Variants in CCDC169 observed in about 807,000 individuals in gnomAD.
CCDC169 encodes coiled-coil domain containing 169, also known as coiled-coil domain-containing protein 169.
Under a neutral mutation model 36.0 loss-of-function variants are expected in CCDC169, and 30 were observed. That is an observed-to-expected ratio of 0.83 (90% CI 0.62 to 1.13). CCDC169 has a LOEUF of 1.13. Ranked by LOEUF, CCDC169 falls within the 50% of genes most tolerant of loss-of-function variation. CCDC169 has a pLI of 0.00. For synonymous variants in CCDC169, 85 were observed against 81.5 expected (o/e 1.04, Z -0.23); for missense variants, 245 against 245.9 (o/e 1.00, Z 0.03).
intron 4 of CCDC169, chr13:36,283,233 A>G: frequency 2.0e-6 from 1 of 502,414 alleles, no homozygotes; most frequent in East Asian, 3.2e-5. Context: ...CGGTGATTCA[A>G]AAAGCAATAT....
At chr13:36,275,113 C>T (rs1876615365) in intron 4 of CCDC169, among the ~76,000 whole-genome samples, 1 of 151,884 alleles carries the variant, frequency 6.6e-6, no homozygotes, top group African/African-American at 2.4e-5. Context: ...GTGATCCGCC[C>T]GCCTCGGCCT....
At chr13:36,292,522 A>T (rs1197982395) in intron 2 of CCDC169, among the ~76,000 whole-genome samples, 3 of 152,338 alleles carry the variant, frequency 2.0e-5, no homozygotes, top group Admixed American at 2.0e-4. Context: ...GTTTCCTATG[A>T]ATCCTAAAAG....
At chr13:36,260,905 G>A (rs1874528581) in intron 4 of CCDC169, among the ~76,000 whole-genome samples, 1 of 152,100 alleles carries the variant, frequency 6.6e-6, no homozygotes, top group Non-Finnish European at 1.5e-5. Context: ...GGTTTCCTGG[G>A]TATCACATAT....
At chr13:36,256,262 G>C (rs1256593698) in intron 4 of CCDC169, among the ~76,000 whole-genome samples, 2 of 152,068 alleles carry the variant, frequency 1.3e-5, no homozygotes, top group Non-Finnish European at 2.9e-5. Flanking sequence ...GTTTTAGTTC[G>C]TTCTCATGCT....
At chr13:36,281,338 TG>T in intron 4 of CCDC169, 1 of 431,856 alleles carries the variant, frequency 2.3e-6, no homozygotes, top group Non-Finnish European at 4.5e-6. Flanking sequence ...TTCTGCCAAA[TG>T]CAACCCTTGA....
At chr13:36,241,778 A>G (rs77613943) in intron 7 of CCDC169, among the ~76,000 whole-genome samples, 3 of 152,270 alleles carry the variant, frequency 2.0e-5, no homozygotes, top group South Asian at 4.2e-4. Flanking sequence ...GATCAGCTAA[A>G]TATAGAAAAT....
At chr13:36,235,085 G>C (rs1309009696) in intron 7 of CCDC169, among the ~76,000 whole-genome samples, 1 of 151,852 alleles carries the variant, frequency 6.6e-6, no homozygotes, top group African/African-American at 2.4e-5. Context: ...AAGGTGAAGG[G>C]AATGGAGCTA....
chr13:36,290,489 T>A (rs955983241), intron 2 of CCDC169, among the ~76,000 whole-genome samples: 3 of 152,090 alleles, frequency 2.0e-5, no homozygotes, highest in African/African-American at 7.2e-5. Context: ...CTCCAGAATT[T>A]GAAACTATTG....
intron 4 of CCDC169, among the ~76,000 whole-genome samples, chr13:36,270,698 C>A (rs2138556354): frequency 6.6e-6 from 1 of 152,232 alleles, no homozygotes; most frequent in South Asian, 2.1e-4. Flanking sequence ...ATAAATGGTG[C>A]AGGGAAAACT....
intron 7 of CCDC169, among the ~76,000 whole-genome samples, chr13:36,233,612 T>G (rs1028453437): frequency 2.0e-5 from 3 of 152,104 alleles, no homozygotes; most frequent in Non-Finnish European, 4.4e-5. Flanking sequence ...AGATAGAAAT[T>G]ATTTAAAAAG....
At chr13:36,296,440 G>A (rs963280188) in intron 1 of CCDC169, among the ~76,000 whole-genome samples, 2 of 152,112 alleles carry the variant, frequency 1.3e-5, no homozygotes, top group African/African-American at 4.8e-5. Flanking sequence ...AAAGAAGTTA[G>A]TTACCTGGTT....
chr13:36,291,319 T>C (rs931795942), intron 2 of CCDC169, among the ~76,000 whole-genome samples: 3 of 152,236 alleles, frequency 2.0e-5, no homozygotes, highest in African/African-American at 7.2e-5. Flanking sequence ...TAGAGTTTCC[T>C]GTATGAAATC....
chr13:36,238,466 A>C (rs935008184), intron 7 of CCDC169, among the ~76,000 whole-genome samples: 1 of 152,086 alleles, frequency 6.6e-6, no homozygotes, highest in African/African-American at 2.4e-5. Context: ...CAATTAAAAA[A>C]TTTTTTTAAA....
At chr13:36,244,822 C>A (rs1287029004) in intron 7 of CCDC169, among the ~76,000 whole-genome samples, 1 of 57,904 alleles carries the variant, frequency 1.7e-5, no homozygotes, top group East Asian at 6.2e-4. Flanking sequence ...TCTAGTGAAC[C>A]ACTGAATATG....
At chr13:36,264,058 T>C (rs1594047953) in intron 4 of CCDC169, among the ~76,000 whole-genome samples, 1 of 152,182 alleles carries the variant, frequency 6.6e-6, no homozygotes, top group East Asian at 1.9e-4. Context: ...TAATGGAAAA[T>C]GTATTCTAAG....
In CCDC169 at chr13:36,272,084, CA is replaced by C. The variant is rs66633645; in HGVS notation, c.315+11384del. The stretch of plus-strand genomic sequence containing the variant: ...CGGGTGACAGAGTGAGGCTCCGTCT[CA>C]AAAAAAAAAAAAACTAAAAAAATAA... On this transcript the variant is annotated intron_variant, in intron 4 of 7. Coordinates refer to ENST00000239859, the MANE Select transcript of CCDC169 (RefSeq NM_001144981.3). Among the ~76,000 whole-genome samples, 80 of 101,930 alleles carry C rather than the reference CA, an allele frequency of 7.8e-4. No individual in the cohort carries two copies. The Middle Eastern group carries it at 0.016, about 21-fold the overall frequency. 66.9% of individuals were successfully genotyped at this position (101,930 alleles called of 152,430 possible).
At chr13:36,255,212 C>T (rs973088624) in intron 4 of CCDC169, among the ~76,000 whole-genome samples, 3 of 152,162 alleles carry the variant, frequency 2.0e-5, no homozygotes, top group Non-Finnish European at 1.5e-5. Context: ...TTTTCATGCA[C>T]CTTGTGAAGT....
At chr13:36,253,138 C>T (rs749872708) in intron 6 of CCDC169, among the ~76,000 whole-genome samples, 6 of 152,092 alleles carry the variant, frequency 3.9e-5, no homozygotes, top group Non-Finnish European at 8.8e-5. Flanking sequence ...TTTATAAGTA[C>T]GCACTTCTAC....
intron 4 of CCDC169, among the ~76,000 whole-genome samples, chr13:36,262,678 A>G (rs1254253668): frequency 6.6e-6 from 1 of 152,194 alleles, no homozygotes; most frequent in Non-Finnish European, 1.5e-5. Flanking sequence ...TAGCATCTTT[A>G]AAGAATGATT....
Sources: gnomAD v4.1 joint callset for allele counts (sites outside exome capture counted in the v4.1 genomes callset) on GRCh38, gnomAD v4.1.1 for gene constraint, MANE v1.5 for transcripts, NCBI Gene and HGNC (gene_info 2026-07-23, HGNC 2026-07-21) for gene names.